LPP: variants seen among roughly 807,000 people sequenced by gnomAD.
The protein encoded by LPP is lipoma-preferred partner.
LPP carries 38 observed loss-of-function variants against 60.4 expected under a neutral mutation model. The ratio of observed to expected loss-of-function variants is 0.63; its 90% CI spans 0.49 to 0.83. The LOEUF (loss-of-function observed/expected upper bound fraction) is 0.83. Among genes scored for constraint, LPP ranks in the 40% least tolerant of loss-of-function variants. The pLI is 0.00. For synonymous variants in LPP, 328 were observed against 290.8 expected (o/e 1.13, Z -1.30); for missense variants, 902 against 783.6 (o/e 1.15, Z -1.80).
intron 6 of LPP, among the ~76,000 whole-genome samples, chr3:188,531,718 G>A (rs1822223156): frequency 6.6e-6 from 1 of 152,080 alleles, no homozygotes; most frequent in Admixed American, 6.6e-5. Flanking sequence ...TTTGGATCTA[G>A]CCCTGTGCAC....
chr3:188,448,255 C>A (rs1795742633), intron 4 of LPP, among the ~76,000 whole-genome samples: 1 of 144,706 alleles, frequency 6.9e-6, no homozygotes, highest in South Asian at 2.2e-4. Context: ...GGACAAACTC[C>A]CTTTTGAGTT....
intron 9 of LPP, among the ~76,000 whole-genome samples, chr3:188,801,752 GTTC>G (rs1000925019): frequency 2.2e-4 from 33 of 152,140 alleles, no homozygotes; most frequent in African/African-American, 7.5e-4. Flanking sequence ...CAGAGCTTCA[GTTC>G]TTCTCTCTTT....
intron 10 of LPP, among the ~76,000 whole-genome samples, chr3:188,869,914 A>G (rs764165368): frequency 3.3e-5 from 5 of 152,148 alleles, no homozygotes; most frequent in Admixed American, 6.5e-5. Flanking sequence ...CTGGAAGACT[A>G]TCTCCCCTAC....
At chr3:188,517,668 G>A (rs536203541) in intron 5 of LPP, among the ~76,000 whole-genome samples, 27 of 152,200 alleles carry the variant, frequency 1.8e-4, no homozygotes, top group African/African-American at 3.9e-4. Flanking sequence ...CTTACATGGC[G>A]GTGGTAAGAG....
intron 9 of LPP, among the ~76,000 whole-genome samples, chr3:188,849,247 C>G (rs1336918569): frequency 6.6e-6 from 1 of 152,128 alleles, no homozygotes; most frequent in Non-Finnish European, 1.5e-5. Context: ...CCCCTTTGGC[C>G]AGAACAAAGT....
At chr3:188,240,151 T>G (rs2149440667) in intron 2 of LPP, 1 of 188,178 alleles carries the variant, frequency 5.3e-6, no homozygotes, top group Non-Finnish European at 1.1e-5. Flanking sequence ...CTTCAGAGGA[T>G]CTCATCTCAA....
chr3:188,161,275 C>G (rs1718183820), intron 1 of LPP, among the ~76,000 whole-genome samples: 1 of 152,090 alleles, frequency 6.6e-6, no homozygotes, highest in Non-Finnish European at 1.5e-5. Context: ...AGGCAGAGTC[C>G]CAGCTTAGAA....
In LPP at chr3:188,613,453, A is replaced by G. The variant is rs1354511069; in HGVS notation, c.1113+3609A>G. ...GACCAGGCAACTTTAGCCTCCAATTATCATAAAAACTCATCTCCGTCAGCC... is the reference window on the plus strand; with the variant it reads ...GACCAGGCAACTTTAGCCTCCAATTGTCATAAAAACTCATCTCCGTCAGCC... On this transcript the variant is annotated intron_variant, in intron 7 of 11. Coordinates refer to ENST00000617246, the MANE Select transcript of LPP (RefSeq NM_001375462.1). Among the ~76,000 whole-genome samples the G allele has an allele frequency of 2.0e-5, 3 of 151,974 alleles. No individual in the cohort carries two copies. In the East Asian group the frequency reaches 5.8e-4, roughly 29 times the overall value.
intron 7 of LPP, among the ~76,000 whole-genome samples, chr3:188,680,491 A>G (rs1338907952): frequency 1.3e-5 from 2 of 152,250 alleles, no homozygotes; most frequent in Admixed American, 6.5e-5. Flanking sequence ...GCCAAAAAGC[A>G]TAACTTACTT....
chr3:188,746,460 G>GT (rs3830584), intron 8 of LPP: 217,466 of 481,040 alleles, frequency 0.45, 52,839 homozygotes, highest in East Asian at 0.82. Context: ...TGTATTTGTT[G>GT]TAACTATCTC....
At chr3:188,625,125 A>G (rs992344980) in intron 7 of LPP, among the ~76,000 whole-genome samples, 5 of 152,156 alleles carry the variant, frequency 3.3e-5, no homozygotes, top group Non-Finnish European at 5.9e-5. Flanking sequence ...ATAAATTAAG[A>G]CATAACTTTG....
At chr3:188,522,884 A>ATATGTGTG (rs1383955866) in intron 5 of LPP, among the ~76,000 whole-genome samples, 48 of 141,066 alleles carry the variant, frequency 3.4e-4, no homozygotes, top group African/African-American at 1.2e-3. Flanking sequence ...TGAGACATAT[A>ATATGTGTG]TGTGTGTGTG....
intron 4 of LPP, among the ~76,000 whole-genome samples, chr3:188,449,161 A>C (rs946312181): frequency 6.6e-6 from 1 of 152,222 alleles, no homozygotes; most frequent in Non-Finnish European, 1.5e-5. Flanking sequence ...ACATGATTCC[A>C]TGAATATTTC....
intron 6 of LPP, among the ~76,000 whole-genome samples, chr3:188,532,008 A>G (rs1251431468): frequency 6.6e-6 from 1 of 152,146 alleles, no homozygotes; most frequent in African/African-American, 2.4e-5. Flanking sequence ...CTGTAATAGT[A>G]ACTCCAGGTA....
chr3:188,240,595 A>G (rs73190777), intron 2 of LPP, among the ~76,000 whole-genome samples: 1 of 152,292 alleles, frequency 6.6e-6, no homozygotes, highest in Middle Eastern at 3.4e-3. Flanking sequence ...TTGAGTAGTT[A>G]GGATATTAGA....
At chr3:188,836,578 A>G (rs1202666182) in intron 9 of LPP, among the ~76,000 whole-genome samples, 1 of 152,192 alleles carries the variant, frequency 6.6e-6, no homozygotes, top group Non-Finnish European at 1.5e-5. Context: ...CAATGCATGA[A>G]TGAATGCATG....
chr3:188,409,233 T>G (rs1178835091), intron 4 of LPP, among the ~76,000 whole-genome samples: 1 of 152,208 alleles, frequency 6.6e-6, no homozygotes, highest in East Asian at 1.9e-4. Flanking sequence ...TTCTGCCAAT[T>G]CTCACTCTTT....
chr3:188,760,080 T>C (rs1157344170), intron 8 of LPP, 33 bp from the exon 9 acceptor site: 6 of 1,609,234 alleles, frequency 3.7e-6, no homozygotes, highest in Admixed American at 1.7e-5. Flanking sequence ...AAGTACTCCT[T>C]GGTGTGTTCT....
intron 4 of LPP, among the ~76,000 whole-genome samples, chr3:188,408,997 C>T (rs1039193028): frequency 3.9e-5 from 6 of 152,154 alleles, no homozygotes; most frequent in African/African-American, 1.4e-4. Context: ...GTTTCTCACT[C>T]GTCCTTATGT....
Sources: allele counts gnomAD v4.1 joint callset (sites outside exome capture counted in the v4.1 genomes callset), GRCh38; gene constraint gnomAD v4.1.1; transcripts MANE v1.5; gene names NCBI Gene and HGNC (gene_info 2026-07-23, HGNC 2026-07-21).